CAND2: variants seen among roughly 807,000 people sequenced by gnomAD.
CAND2 encodes the protein cullin-associated NEDD8-dissociated protein 2.
In CAND2, 62 loss-of-function variants were observed where a neutral mutation model predicts 98.9. The observed-to-expected ratio is 0.63, with a 90% confidence interval of 0.51 to 0.77. The LOEUF (loss-of-function observed/expected upper bound fraction) is 0.77, where lower values mean the gene tolerates loss of function less well. Ranked by LOEUF, CAND2 falls within the 30% of genes least tolerant of loss-of-function variation. The pLI is 0.00. For missense variants in CAND2, 1,501 were observed against 1,655.2 expected (o/e 0.91, Z 1.62); for synonymous variants, 770 against 731.9 (o/e 1.05, Z -0.84).
At chr3:12,806,570 C>A (rs867896216) in intron 2 of CAND2, among the ~76,000 whole-genome samples, 5 of 152,212 alleles carry the variant, frequency 3.3e-5, no homozygotes, top group South Asian at 2.1e-4. Flanking sequence ...CCCCCAACCC[C>A]CTCCAGGCCA....
intron 1 of CAND2, among the ~76,000 whole-genome samples, chr3:12,802,314 A>G (rs893148775): frequency 2.6e-5 from 4 of 151,826 alleles, no homozygotes; most frequent in Non-Finnish European, 5.9e-5. Flanking sequence ...GCAACAGAGC[A>G]AGACTCCATC....
At chr3:12,823,740 AC>A (rs1296716207) in intron 11 of CAND2, among the ~76,000 whole-genome samples, 3 of 145,382 alleles carry the variant, frequency 2.1e-5, no homozygotes, top group Non-Finnish European at 4.5e-5. Context: ...AAAAAAAAAA[AC>A]AACAAAAAAA....
intron 1 of CAND2, among the ~76,000 whole-genome samples, chr3:12,800,419 G>T (rs1350257155): frequency 6.6e-6 from 1 of 152,210 alleles, no homozygotes; most frequent in Non-Finnish European, 1.5e-5. Context: ...GCTCAACCAT[G>T]CTGGAAAGCA....
intron 13 of CAND2, among the ~76,000 whole-genome samples, chr3:12,828,868 C>T (rs2062027079): frequency 6.7e-6 from 1 of 149,132 alleles, no homozygotes. Context: ...GTCTGATGTC[C>T]TCAAGGTTCA....
intron 13 of CAND2, among the ~76,000 whole-genome samples, chr3:12,830,567 C>T (rs1371054806): frequency 4.6e-5 from 7 of 152,210 alleles, no homozygotes; most frequent in African/African-American, 1.2e-4. Context: ...CCTCCAGGAG[C>T]GCAGGACAGG....
intron 10 of CAND2, among the ~76,000 whole-genome samples, chr3:12,818,691 G>A (rs1411504985): frequency 3.9e-5 from 6 of 152,258 alleles, no homozygotes; most frequent in Non-Finnish European, 7.3e-5. Context: ...TGCAGGTACA[G>A]TGTTTGGTAA....
In CAND2 at chr3:12,810,323, C is replaced by A. The variant is rs768793593; in HGVS notation, c.756C>A (p.Leu252=). The stretch of plus-strand genomic sequence containing the variant: ...TCGGCCGCCAGGCCGGCCACCGCCT[C>A]GGTAAGGGGGCAGGGGGCGGGGCCT... The part of the protein sequence containing the change: ...GSVGRQAGHR[L]GAHLDRLVPL... The change falls in exon 5 of 15, where the codon CTC becomes CTA. Residue 252 remains leucine (L), a splice_region_variant and synonymous_variant. Coordinates refer to ENST00000456430, the MANE Select transcript of CAND2 (RefSeq NM_001162499.2). 2.1e-6 allele frequency: 3 copies of A among 1,451,994 alleles called. No individual in the cohort carries two copies. Among genetic ancestry groups the A allele is most frequent in the South Asian group, 1.4e-5 (1 of 71,270 alleles). The allele number at this position is 1,451,994 out of a possible 1,614,324, so 89.9% of individuals were successfully genotyped here.
intron 5 of CAND2, among the ~76,000 whole-genome samples, chr3:12,811,791 G>A (rs1025196318): frequency 2.0e-5 from 3 of 152,148 alleles, no homozygotes; most frequent in African/African-American, 4.8e-5. Flanking sequence ...GGCCAGGTTG[G>A]TCTTGAACCC....
chr3:12,832,244 T>G (rs2062059307), intron 14 of CAND2: 1 of 152,310 alleles, frequency 6.6e-6, no homozygotes, highest in African/African-American at 2.4e-5. Flanking sequence ...ACACTAAAAT[T>G]GGTAGTTTAT....
At chr3:12,821,229 G>A (rs1408989669) in intron 11 of CAND2, among the ~76,000 whole-genome samples, 9 of 62,448 alleles carry the variant, frequency 1.4e-4, no homozygotes, top group East Asian at 1.3e-3. Flanking sequence ...GCAAGACTCC[G>A]TCTCAAAAAA....
At chr3:12,807,189 G>C in intron 2 of CAND2, 117 bp from the exon 3 acceptor site, 1 of 911,610 alleles carries the variant, frequency 1.1e-6, no homozygotes, top group Non-Finnish European at 1.6e-6. Flanking sequence ...CTCCCCTGAT[G>C]ATCTGAGGCC....
rs1455519653 is a variant in CAND2 at position 12,816,420 on chromosome 3, G to T, written c.1488G>T (p.Arg496=). ...LADRSSSSTI[R]MDALAFLQGL... The stretch of plus-strand genomic sequence containing the variant: ...ACCGCTCCAGCTCCTCCACCATCCG[G>T]ATGGATGCCCTGGCCTTCTTGCAGG... Residue 496 remains arginine (R), a synonymous_variant, in exon 10 of 15, where the codon CGG becomes CGT. Coordinates refer to ENST00000456430, the MANE Select transcript of CAND2 (RefSeq NM_001162499.2). The T allele has an allele frequency of 1.2e-6, 2 of 1,613,732 alleles. No individual in the cohort carries two copies. Among genetic ancestry groups the T allele is most frequent in the South Asian group, 1.1e-5 (1 of 91,078 alleles).
chr3:12,810,041 C>A lies in CAND2; in HGVS notation c.492-18C>A. The A allele has an allele frequency of 7.1e-7, 1 of 1,400,700 alleles. No individual in the cohort carries two copies. Among genetic ancestry groups the A allele is most frequent in the Non-Finnish European group, 9.3e-7 (1 of 1,079,312 alleles). 86.8% of individuals were successfully genotyped at this position (1,400,700 alleles called of 1,614,324 possible). ...CCCGCGGAGTGCGATCGGCCTGATG[C>A]CCCCTCGTGCTCCCCAGGCTGGGTG... On this transcript the variant is annotated intron_variant, in intron 4 of 14. Coordinates refer to ENST00000456430, the MANE Select transcript of CAND2 (RefSeq NM_001162499.2).
chr3:12,804,824 A>G (rs948072770), intron 2 of CAND2, among the ~76,000 whole-genome samples: 1 of 152,178 alleles, frequency 6.6e-6, no homozygotes, highest in African/African-American at 2.4e-5. Flanking sequence ...CTTCTGGGGC[A>G]TGTTAATGAA....
chr3:12,827,338 C>A, intron 12 of CAND2, 102 bp from the exon 13 acceptor site: 1 of 1,136,576 alleles, frequency 8.8e-7, no homozygotes, highest in Non-Finnish European at 1.3e-6. Flanking sequence ...CGATTTGGGG[C>A]TGGCATGGAT....
intron 13 of CAND2, among the ~76,000 whole-genome samples, chr3:12,829,876 C>G (rs758699043): frequency 6.6e-6 from 1 of 152,222 alleles, no homozygotes; most frequent in Non-Finnish European, 1.5e-5. Context: ...GTCCTGTCAA[C>G]AGCTGCAGGA....
intron 2 of CAND2, among the ~76,000 whole-genome samples, chr3:12,805,054 C>T (rs1160952692): frequency 1.3e-5 from 2 of 152,176 alleles, no homozygotes; most frequent in East Asian, 3.8e-4. Context: ...TACCTCTACA[C>T]ATAATGCCCT....
chr3:12,812,258 C>T (rs1019694761), intron 5 of CAND2, among the ~76,000 whole-genome samples: 2 of 101,100 alleles, frequency 2.0e-5, no homozygotes, highest in Middle Eastern at 6.2e-3. Flanking sequence ...GAATCTCGCT[C>T]TGTCCCCCAG....
chr3:12,816,764 A>G lies in CAND2; in HGVS notation c.1832A>G (p.Glu611Gly), dbSNP rs2061907319. 1 of 1,613,390 alleles carries G rather than the reference A, an allele frequency of 6.2e-7. No individual in the cohort carries two copies. Among genetic ancestry groups the G allele is most frequent in the Non-Finnish European group, 8.5e-7 (1 of 1,180,036 alleles). ...HLGDRLGDDLEPTLLLLLDRL... is the reference protein window; with the variant it reads ...HLGDRLGDDLGPTLLLLLDRL... ...GGTGACCGGCTTGGGGATGACCTGG[A>G]GCCCACGTTACTGCTCCTCCTGGAC... The change falls in exon 10 of 15, where the codon GAG becomes GGG. Residue 611 changes from glutamate to glycine, a missense_variant. Glu to Gly is a moderately conservative substitution (Grantham distance 98). Transcript: ENST00000456430.
Sources: gnomAD v4.1 joint callset for allele counts (sites outside exome capture counted in the v4.1 genomes callset) on GRCh38, gnomAD v4.1.1 for gene constraint, MANE v1.5 for transcripts, NCBI Gene and HGNC (gene_info 2026-07-23, HGNC 2026-07-21) for gene names.